The following AKAP6 variants were observed in gnomAD, a reference collection of about 807,000 sequenced individuals.
The protein encoded by AKAP6 is A-kinase anchor protein 6.
In AKAP6, 58 loss-of-function variants were observed where a neutral mutation model predicts 188.5. That is an observed-to-expected ratio of 0.31 (90% CI 0.25 to 0.38). AKAP6 has a LOEUF of 0.38. Ranked by LOEUF, AKAP6 falls within the 10% of genes least tolerant of loss-of-function variation. The pLI is 1.00. For synonymous variants in AKAP6, 989 were observed against 998.6 expected, an observed-to-expected ratio of 0.99 and a Z score of 0.18; for missense variants, 2,710 against 2,740.0, an observed-to-expected ratio of 0.99 and a Z score of 0.24.
intron 1 of AKAP6, among the ~76,000 whole-genome samples, chr14:32,377,250 C>T (rs1158076126): frequency 6.6e-6 from 1 of 152,198 alleles, no homozygotes; most frequent in Non-Finnish European, 1.5e-5. Context: ...TTATTTCTCT[C>T]GCTCATTCTA....
At chr14:32,332,739 C>T (rs571724748) in intron 1 of AKAP6, among the ~76,000 whole-genome samples, 48 of 152,170 alleles carry the variant, frequency 3.2e-4, no homozygotes, top group Non-Finnish European at 5.6e-4. Flanking sequence ...ACTTCTCTCA[C>T]AGTCTGGAAA....
At chr14:32,608,433 G>T (rs1270649073) in intron 7 of AKAP6, among the ~76,000 whole-genome samples, 4 of 149,412 alleles carry the variant, frequency 2.7e-5, no homozygotes, top group African/African-American at 9.8e-5. Context: ...CTGGGAGATG[G>T]AGTTTGCAGT....
chr14:32,677,406 CAAGG>C (rs1444860369), intron 7 of AKAP6, among the ~76,000 whole-genome samples: 1 of 152,150 alleles, frequency 6.6e-6, no homozygotes, highest in Non-Finnish European at 1.5e-5. Context: ...GTAGAGATTT[CAAGG>C]TTTATCAGAA....
chr14:32,462,915 A>AAAAAC (rs1555330707), intron 2 of AKAP6, among the ~76,000 whole-genome samples: 19 of 135,432 alleles, frequency 1.4e-4, no homozygotes, highest in African/African-American at 3.4e-4. Context: ...AAAAAAAAAA[A>AAAAAC]AAAAAAAAAA....
At chr14:32,733,127 C>T (rs542112073) in intron 10 of AKAP6, 2 of 155,726 alleles carry the variant, frequency 1.3e-5, no homozygotes, top group East Asian at 1.9e-4. Flanking sequence ...GCCTCAATTT[C>T]CAGCTCACTT....
intron 2 of AKAP6, among the ~76,000 whole-genome samples, chr14:32,535,316 ATAG>A (rs1175153422): frequency 6.6e-6 from 1 of 152,198 alleles, no homozygotes; most frequent in African/African-American, 2.4e-5. Flanking sequence ...ATCTGATGGA[ATAG>A]TAGGATTTGT....
intron 7 of AKAP6, among the ~76,000 whole-genome samples, chr14:32,670,145 ACTATCAC>A (rs1889120320): frequency 2.0e-5 from 3 of 151,958 alleles, no homozygotes; most frequent in Non-Finnish European, 4.4e-5. Context: ...TCTCATGAAA[ACTATCAC>A]AAAGCCCCTT....
At chr14:32,676,224 A>G (rs922359940) in intron 7 of AKAP6, among the ~76,000 whole-genome samples, 2 of 152,128 alleles carry the variant, frequency 1.3e-5, no homozygotes, top group Non-Finnish European at 2.9e-5. Flanking sequence ...TTCTTTGACT[A>G]TTGCTCAATA....
chr14:32,483,232 A>G (rs1269063101), intron 2 of AKAP6, among the ~76,000 whole-genome samples: 1 of 152,146 alleles, frequency 6.6e-6, no homozygotes, highest in African/African-American at 2.4e-5. Flanking sequence ...TCATATATTT[A>G]AAAGGCAGTT....
At chr14:32,376,446 C>G (rs973626089) in intron 1 of AKAP6, among the ~76,000 whole-genome samples, 1 of 152,140 alleles carries the variant, frequency 6.6e-6, no homozygotes, top group Admixed American at 6.5e-5. Context: ...AAAATGGAGT[C>G]TACGTCTGTT....
At chr14:32,358,950 A>C (rs946150529) in intron 1 of AKAP6, among the ~76,000 whole-genome samples, 4 of 152,182 alleles carry the variant, frequency 2.6e-5, no homozygotes, top group Admixed American at 2.0e-4. Flanking sequence ...CCAGGTGCAG[A>C]GGAGGTCTGG....
chr14:32,732,427 A>G (rs761615726), intron 9 of AKAP6, 27 bp from the exon 10 acceptor site: 2 of 1,599,982 alleles, frequency 1.3e-6, no homozygotes, highest in Non-Finnish European at 8.5e-7. Context: ...CTCCCTAATG[A>G]TATCTCTTTT....
chr14:32,499,462 T>C (rs1880496149), intron 2 of AKAP6, among the ~76,000 whole-genome samples: 1 of 151,938 alleles, frequency 6.6e-6, no homozygotes, highest in Non-Finnish European at 1.5e-5. Context: ...ATTAGGAAAG[T>C]TGTTCTGCTC....
chr14:32,788,890 G>A (rs1171110538), intron 12 of AKAP6, among the ~76,000 whole-genome samples: 1 of 152,150 alleles, frequency 6.6e-6, no homozygotes. Flanking sequence ...CCACTTCCAC[G>A]GCACCTCACA....
intron 1 of AKAP6, among the ~76,000 whole-genome samples, chr14:32,428,476 A>G (rs968385616): frequency 3.9e-5 from 6 of 152,202 alleles, no homozygotes; most frequent in African/African-American, 1.4e-4. Flanking sequence ...ACTGGCCTTC[A>G]TATTGTTTGG....
At chr14:32,717,608 TCACACACACA>T (rs57925449) in intron 9 of AKAP6, among the ~76,000 whole-genome samples, 1 of 147,840 alleles carries the variant, frequency 6.8e-6, no homozygotes, top group Non-Finnish European at 1.5e-5. Context: ...TTGTCTCTTA[TCACACACACA>T]CACACACACA....
At chr14:32,362,320 G>A (rs1887691836) in intron 1 of AKAP6, among the ~76,000 whole-genome samples, 1 of 152,176 alleles carries the variant, frequency 6.6e-6, no homozygotes, top group Non-Finnish European at 1.5e-5. Flanking sequence ...AGTATATCAT[G>A]GGTACCAGTA....
At chr14:32,405,289 A>G (rs181984382) in intron 1 of AKAP6, among the ~76,000 whole-genome samples, 3 of 152,158 alleles carry the variant, frequency 2.0e-5, no homozygotes, top group African/African-American at 7.2e-5. Flanking sequence ...CTGCTTCTGC[A>G]TGCTCCATAC....
rs910717915 is a variant in AKAP6, at chr14:32,837,553, C to T, written c.*7748C>T. 9 of 152,186 alleles carry T rather than the reference C, an allele frequency of 5.9e-5. No homozygotes were observed. The highest frequency in any genetic ancestry group is 2.2e-4 in the African/African-American group (9 of 41,442). The allele number at this position is 152,186 out of a possible 1,614,324, so 9.4% of individuals were successfully genotyped here. The stretch of plus-strand genomic sequence containing the variant: ...GATCAAGTTACTTACACTAAGTCAG[C>T]AATTCAAAACAAATAATTCCCTCTG... On this transcript the variant is annotated 3_prime_UTR_variant, in exon 14 of 14. Transcript: ENST00000280979.
Sources: gnomAD v4.1 joint callset for allele counts (sites outside exome capture counted in the v4.1 genomes callset) on GRCh38, gnomAD v4.1.1 for gene constraint, MANE v1.5 for transcripts, NCBI Gene and HGNC (gene_info 2026-07-23, HGNC 2026-07-21) for gene names.